RANBP2: variants seen among roughly 807,000 people sequenced by gnomAD.
RANBP2 encodes E3 SUMO-protein ligase RanBP2.
RANBP2 carries 57 observed loss-of-function variants against 303.6 expected under a neutral mutation model. The ratio of observed to expected loss-of-function variants is 0.19; its 90% CI spans 0.15 to 0.23. The LOEUF is 0.23. Among genes scored for constraint, RANBP2 ranks in the 10% least tolerant of loss-of-function variants. RANBP2 has a pLI of 1.00. For missense variants in RANBP2, 3,138 were observed against 3,780.8 expected, an observed-to-expected ratio of 0.83 and a Z score of 4.46; for synonymous variants, 1,167 against 1,301.5, an observed-to-expected ratio of 0.90 and a Z score of 2.23.
At chr2:108,917,969 C>G in the RANBP2 span, among the ~76,000 whole-genome samples, 1 of 151,902 alleles carries the variant, frequency 6.6e-6, no homozygotes, top group South Asian at 2.1e-4. Flanking sequence ...TGCATTACCC[C>G]TAAATGCTTG....
At chr2:109,284,632 C>T in the RANBP2 span, among the ~76,000 whole-genome samples, 1 of 152,176 alleles carries the variant, frequency 6.6e-6, no homozygotes, top group Non-Finnish European at 1.5e-5. Flanking sequence ...CATGGGAGAC[C>T]ATTGCCAATG....
the RANBP2 span, among the ~76,000 whole-genome samples, chr2:109,318,408 A>C: frequency 6.6e-6 from 1 of 152,140 alleles, no homozygotes; most frequent in Non-Finnish European, 1.5e-5. Context: ...GCCGAGCGCC[A>C]GAAGATTAGG....
chr2:109,007,314 A>G, the RANBP2 span, among the ~76,000 whole-genome samples: 2 of 152,254 alleles, frequency 1.3e-5, no homozygotes, highest in African/African-American at 4.8e-5. Flanking sequence ...AGATAGACAC[A>G]TACCATATTG....
the RANBP2 span, among the ~76,000 whole-genome samples, chr2:109,600,884 C>T: frequency 6.6e-6 from 1 of 152,208 alleles, no homozygotes; most frequent in African/African-American, 2.4e-5. Flanking sequence ...CTCCATTTAC[C>T]AGTTTATTAC....
chr2:109,337,567 G>C, the RANBP2 span, among the ~76,000 whole-genome samples: 5 of 152,320 alleles, frequency 3.3e-5, no homozygotes, highest in Admixed American at 2.6e-4. Context: ...AGAGGTCTGT[G>C]GAGCTTCCCC....
chr2:108,821,932 A>G, the RANBP2 span, among the ~76,000 whole-genome samples: 1 of 151,450 alleles, frequency 6.6e-6, no homozygotes, highest in South Asian at 2.1e-4. Context: ...TTGTCTCAAA[A>G]AAAAAAAAAA....
At chr2:109,491,987 T>C in the RANBP2 span, among the ~76,000 whole-genome samples, 42 of 152,202 alleles carry the variant, frequency 2.8e-4, no homozygotes, top group African/African-American at 1.0e-3. Context: ...TCCTCACATA[T>C]TCTTCTGTAT....
At chr2:108,865,737 C>T in the RANBP2 span, among the ~76,000 whole-genome samples, 1 of 152,114 alleles carries the variant, frequency 6.6e-6, no homozygotes, top group African/African-American at 2.4e-5. Flanking sequence ...GTTGGACACA[C>T]GGTACTCCCC....
At chr2:108,808,614 TA>T in the RANBP2 span, among the ~76,000 whole-genome samples, 13 of 152,354 alleles carry the variant, frequency 8.5e-5, no homozygotes, top group East Asian at 2.5e-3. Context: ...TGATTAGTGA[TA>T]TTGAGCATTT....
chr2:108,752,686 G>A (rs1447719808), intron 12 of RANBP2, among the ~76,000 whole-genome samples: 1 of 151,416 alleles, frequency 6.6e-6, no homozygotes, highest in Non-Finnish European at 1.5e-5. Flanking sequence ...CCAGCTACTT[G>A]GGAGGCTGAG....
At chr2:109,794,614 G>GGGCGGCGGCGGC in the RANBP2 span, 2 of 72,260 alleles carry the variant, frequency 2.8e-5, no homozygotes, top group Admixed American at 7.8e-4. Context: ...GCGGCGGGGG[G>GGGCGGCGGCGGC]GGCGGCGGCG....
chr2:108,844,359 A>T, the RANBP2 span, among the ~76,000 whole-genome samples: 1 of 152,026 alleles, frequency 6.6e-6, no homozygotes, highest in Non-Finnish European at 1.5e-5. Flanking sequence ...TCTGTTATTG[A>T]GACTGTTATT....
chr2:109,045,884 G>A, the RANBP2 span, among the ~76,000 whole-genome samples: 2 of 152,148 alleles, frequency 1.3e-5, no homozygotes, highest in South Asian at 2.1e-4. Context: ...GCAGCTTTAA[G>A]CATCCTCCTC....
the RANBP2 span, among the ~76,000 whole-genome samples, chr2:108,953,385 C>T: frequency 6.6e-6 from 1 of 152,142 alleles, no homozygotes; most frequent in Non-Finnish European, 1.5e-5. Flanking sequence ...TCCTGTTCCA[C>T]AAATTGTAGA....
chr2:109,703,585 C>T, the RANBP2 span, among the ~76,000 whole-genome samples: 1 of 152,130 alleles, frequency 6.6e-6, no homozygotes, highest in African/African-American at 2.4e-5. Context: ...CGTGCCACCA[C>T]GCCCAACTAA....
chr2:109,036,161 C>G, the RANBP2 span, among the ~76,000 whole-genome samples: 1 of 152,192 alleles, frequency 6.6e-6, no homozygotes, highest in Non-Finnish European at 1.5e-5. Context: ...CTACCAAACT[C>G]AACGAGGATG....
the RANBP2 span, among the ~76,000 whole-genome samples, chr2:109,072,999 G>A: frequency 2.0e-5 from 3 of 152,124 alleles, no homozygotes; most frequent in African/African-American, 4.8e-5. Context: ...TATCAAATGT[G>A]CAGAAACCAA....
the RANBP2 span, among the ~76,000 whole-genome samples, chr2:109,555,771 A>G: frequency 1.2e-4 from 18 of 152,338 alleles, no homozygotes; most frequent in African/African-American, 2.2e-4. Context: ...AAACGGCTTA[A>G]GAAGCTTGGG....
the RANBP2 span, among the ~76,000 whole-genome samples, chr2:109,149,570 C>T: frequency 2.7e-4 from 41 of 152,250 alleles, no homozygotes; most frequent in Non-Finnish European, 3.8e-4. Flanking sequence ...TTAAGGCAGC[C>T]GTCCCTGGGT....
Sources: gnomAD v4.1 joint callset for allele counts (sites outside exome capture counted in the v4.1 genomes callset) on GRCh38, gnomAD v4.1.1 for gene constraint, MANE v1.5 for transcripts, NCBI Gene and HGNC (gene_info 2026-07-23, HGNC 2026-07-21) for gene names.